The following CUBN variants were observed in gnomAD, a reference collection of about 807,000 sequenced individuals.
The protein encoded by CUBN is cubilin.
Under a neutral mutation model 405.3 loss-of-function variants are expected in CUBN, and 282 were observed. The observed-to-expected ratio is 0.70, with a 90% CI of 0.63 to 0.77. The LOEUF is 0.77. Among genes scored for constraint, CUBN ranks in the 30% least tolerant of loss-of-function variants. The pLI is 0.00. For synonymous variants in CUBN, 1,684 were observed against 1,617.0 expected (o/e 1.04, Z -0.99); for missense variants, 4,514 against 4,475.2 (o/e 1.01, Z -0.25).
Position 17,085,329 on chromosome 10 carries a change from C to T in CUBN, c.2110+268G>A, listed in dbSNP as rs56195956. ...ATCAAACACCACGAGGGACCTGGTG[C>T]CCTGAATTATTTAAGTTTGGGTGCC... is the stretch of plus-strand genomic sequence containing the variant. On this transcript the variant is annotated intron_variant, in intron 16 of 66. Transcript: ENST00000377833. Among the ~76,000 whole-genome samples the T allele has an allele frequency of 0.076, 11,513 of 152,056 alleles. 1,331 individuals carry two copies. The highest frequency in any genetic ancestry group is 0.25 in the African/African-American group (10,343 of 41,430).
In CUBN at chr10:16,940,183, A is replaced by G. The variant is rs147772422; in HGVS notation, c.5397T>C (p.Arg1799=). Residue 1799 remains arginine, a synonymous_variant, in exon 37 of 67, where the codon CGT becomes CGC. Coordinates refer to ENST00000377833, the MANE Select transcript of CUBN (RefSeq NM_001081.4). ...CCAAGTGACCCGTGGCATTTCCTTCACGGATCTCCACAAAATCTCTGCTGC... is the reference window on the plus strand; with the variant it reads ...CCAAGTGACCCGTGGCATTTCCTTCGCGGATCTCCACAAAATCTCTGCTGC... ...QDCSRDFVEI[R]EGNATGHLVG... The G allele has an allele frequency of 5.9e-5, 96 of 1,614,024 alleles. No individual in the cohort carries two copies. Among genetic ancestry groups the G allele is most frequent in the Non-Finnish European group, 7.9e-5 (93 of 1,179,996 alleles).
At position 17,110,987 on chromosome 10, in the gene CUBN, C is replaced by G; in HGVS notation, c.947G>C (p.Cys316Ser). The G allele has an allele frequency of 6.2e-7, 1 of 1,614,192 alleles. No homozygotes were observed. The highest frequency in any genetic ancestry group is 8.5e-7 in the Non-Finnish European group (1 of 1,180,030). Residue 316 changes from cysteine (C) to serine (S), a missense_variant, in exon 9 of 67, where the codon TGT becomes TCT. Around this residue, in one of 5 missense-constraint regions of CUBN, gnomAD observed 1,448 missense variants for 1,388.0 expected, o/e 1.04. Coordinates refer to ENST00000377833, the MANE Select transcript of CUBN (RefSeq NM_001081.4). ...INECEINNGG[C>S]SVAPPVECVN... is the part of the protein sequence containing the mutation. The stretch of plus-strand genomic sequence containing the variant: ...ACACTCAACGGGTGGAGCCACAGAA[C>G]AGCCGCCGTTATTTATCTCACATTC...
At chr10:16,888,255 C>T (rs1840878993) in intron 56 of CUBN, among the ~76,000 whole-genome samples, 162 bp downstream of exon 56, 2 of 152,176 alleles carry the variant, frequency 1.3e-5, no homozygotes, top group Non-Finnish European at 2.9e-5. Context: ...GTTTTAAATG[C>T]TCTCCCCACA....
chr10:17,068,598 C>T lies in CUBN; in HGVS notation c.2791+7G>A. ...AGGAGGAAAAAAAAAAGGGAACAGT[C>T]TCTTACCCAAATCCTCAGCACTGAA... On this transcript the variant is annotated splice_region_variant and intron_variant, in intron 20 of 66. Transcript: ENST00000377833. 4 of 1,606,012 alleles carry T rather than the reference C, an allele frequency of 2.5e-6. No individual in the cohort carries two copies. In the Middle Eastern group the frequency reaches 6.6e-4, roughly 266 times the overall value.
chr10:16,881,745 A>C (rs1197469210), intron 56 of CUBN, among the ~76,000 whole-genome samples: 1 of 152,244 alleles, frequency 6.6e-6, no homozygotes, highest in African/African-American at 2.4e-5. Flanking sequence ...AAACATGTAC[A>C]TAATATTAGA....
At chr10:16,867,209 T>C (rs1300670442) in intron 59 of CUBN, among the ~76,000 whole-genome samples, 1 of 152,196 alleles carries the variant, frequency 6.6e-6, no homozygotes, top group South Asian at 2.1e-4. Context: ...GAAAATCCAC[T>C]ATCTGGTCCA....
chr10:17,127,808 T>C (rs932539226), intron 3 of CUBN, 21 bp downstream of exon 3: 9 of 1,568,484 alleles, frequency 5.7e-6, no homozygotes, highest in South Asian at 1.1e-5. Flanking sequence ...TCGGTTCTTA[T>C]GACGTAGATG....
chr10:17,039,040 A>G (rs1834959873), intron 27 of CUBN, among the ~76,000 whole-genome samples: 1 of 152,034 alleles, frequency 6.6e-6, no homozygotes, highest in Non-Finnish European at 1.5e-5. Context: ...GAGTCGAAAG[A>G]AATGGAGTTC....
At chr10:16,939,983 G>T in intron 37 of CUBN, 49 bp downstream of exon 37, 1 of 1,397,970 alleles carries the variant, frequency 7.2e-7, no homozygotes, top group Non-Finnish European at 1.0e-6. Context: ...ATTATTTCTA[G>T]TTTGTAAGAC....
intron 12 of CUBN, 103 bp downstream of exon 12, chr10:17,104,316 T>C: frequency 1.0e-6 from 1 of 986,922 alleles, no homozygotes; most frequent in South Asian, 1.4e-5. Context: ...TCTGAGCAAC[T>C]GGACAAGAAA....
In CUBN at chr10:16,984,199, G is replaced by A. The variant is rs1403196518; in HGVS notation, c.4431C>T (p.Val1477=). The A allele has an allele frequency of 6.2e-7, 1 of 1,614,024 alleles. No individual in the cohort carries two copies. The highest frequency in any genetic ancestry group is 1.3e-5 in the African/African-American group (1 of 74,912). The change falls in exon 30 of 67, where the codon GTC becomes GTT. Residue 1477 remains valine (V), a synonymous_variant. Transcript: ENST00000377833. ...TQRSPENPMQ[V]SSTGNELAIR... The stretch of plus-strand genomic sequence containing the variant: ...TTGCTAGCTCATTTCCAGTGCTGGA[G>A]ACCTGCATGGGGTTCTCAGGTGATC...
chr10:17,101,545 G>C (rs960072685), intron 13 of CUBN, among the ~76,000 whole-genome samples: 2 of 152,084 alleles, frequency 1.3e-5, no homozygotes, highest in African/African-American at 4.8e-5. Context: ...CTCTGTAATA[G>C]TTTGCTGGAA....
chr10:16,877,703 A>G (rs1180874776), intron 56 of CUBN, among the ~76,000 whole-genome samples: 3 of 152,240 alleles, frequency 2.0e-5, no homozygotes, highest in Non-Finnish European at 2.9e-5. Context: ...GTGTTTAAGG[A>G]CTATAAAATA....
chr10:17,016,692 GT>G (rs1348677739), intron 28 of CUBN, among the ~76,000 whole-genome samples: 1 of 152,098 alleles, frequency 6.6e-6, no homozygotes. Context: ...TATCCCGGGG[GT>G]TTTTGTGGTC....
chr10:16,961,751 G>A (rs1459323142), intron 31 of CUBN, among the ~76,000 whole-genome samples: 1 of 118,138 alleles, frequency 8.5e-6, no homozygotes, highest in African/African-American at 3.4e-5. Context: ...TCGCTCTGTG[G>A]CCCAGGCTGG....
chr10:16,949,888 CTCTT>C lies in CUBN; in HGVS notation c.5080+109_5080+112del, dbSNP rs1338060384. The C allele has an allele frequency of 2.0e-5, 16 of 814,704 alleles. No homozygotes were observed. The African/African-American group carries it at 2.5e-4, about 13-fold the overall frequency. 50.5% of individuals were successfully genotyped at this position (814,704 alleles called of 1,614,324 possible). On this transcript the variant is annotated intron_variant, in intron 34 of 66. Transcript: ENST00000377833. ...AATCATCTTTATTTGGCTTAGGCTG[CTCTT>C]TCTATTTATTGGAAACATTGCAACC...
intron 39 of CUBN, among the ~76,000 whole-genome samples, chr10:16,936,582 A>G (rs887238212): frequency 1.3e-5 from 2 of 152,226 alleles, no homozygotes; most frequent in Non-Finnish European, 1.5e-5. Flanking sequence ...ATATTCTTCA[A>G]TGAGATACCG....
intron 1 of CUBN, 46 bp from the exon 2 acceptor site, chr10:17,129,296 A>G (rs375837576): frequency 1.3e-6 from 2 of 1,598,150 alleles, no homozygotes; most frequent in Non-Finnish European, 8.6e-7. Context: ...AGCAAGTACA[A>G]TTTTTAAACC....
chr10:16,945,155 G>A (rs1443919044), intron 36 of CUBN, among the ~76,000 whole-genome samples: 1 of 152,010 alleles, frequency 6.6e-6, no homozygotes, highest in Non-Finnish European at 1.5e-5. Context: ...ACCACTGAAT[G>A]AGAGCAGTCA....
Sources: gnomAD v4.1 joint callset for allele counts (sites outside exome capture counted in the v4.1 genomes callset) on GRCh38, gnomAD v4.1.1 for gene constraint, gnomAD v4.1.1 regional missense constraint, MANE v1.5 for transcripts, NCBI Gene and HGNC (gene_info 2026-07-23, HGNC 2026-07-21) for gene names.